Variants in ADSS1 observed in about 807,000 individuals in gnomAD.
The protein encoded by ADSS1 is adenylosuccinate synthase 1.
Under a neutral mutation model 59.1 loss-of-function variants are expected in ADSS1, and 57 were observed. That is an observed-to-expected ratio of 0.97 (90% CI 0.78 to 1.20). The LOEUF (loss-of-function observed/expected upper bound fraction) is 1.20, where lower values mean the gene tolerates loss of function less well. Among genes scored for constraint, ADSS1 ranks in the 50% most tolerant of loss-of-function variants. ADSS1 has a pLI of 0.00. For synonymous variants in ADSS1, 247 were observed against 249.4 expected (o/e 0.99, Z 0.09); for missense variants, 603 against 610.3 (o/e 0.99, Z 0.13).
intron 1 of ADSS1, among the ~76,000 whole-genome samples, chr14:104,725,808 CCT>C (rs961420607): frequency 3.9e-5 from 6 of 152,156 alleles, no homozygotes; most frequent in African/African-American, 1.4e-4. Flanking sequence ...CCTCCTTAGA[CCT>C]CTCTGCTCCC....
rs370711550 is a variant in ADSS1, at chr14:104,739,382, C to T, written c.409+4C>T. On this transcript the variant is annotated splice_donor_region_variant and intron_variant, in intron 4 of 12. Transcript: ENST00000330877. ...ATCTCTGACAGAGCCCACCTTGGTACGTTTCCCACTGGAGTACAGGGAACA... is the reference window on the plus strand; with the variant it reads ...ATCTCTGACAGAGCCCACCTTGGTATGTTTCCCACTGGAGTACAGGGAACA... 8.1e-6 allele frequency: 13 copies of T among 1,603,688 alleles called. No homozygotes were observed. The highest frequency in any genetic ancestry group is 2.3e-5 in the South Asian group (2 of 88,872).
At chr14:104,733,610 G>A (rs953592774) in intron 1 of ADSS1, among the ~76,000 whole-genome samples, 9 of 152,212 alleles carry the variant, frequency 5.9e-5, no homozygotes, top group Admixed American at 2.0e-4. Flanking sequence ...TGGGAGGGGA[G>A]CTGAGACCCC....
intron 1 of ADSS1, among the ~76,000 whole-genome samples, chr14:104,725,466 G>A (rs1369724661): frequency 6.6e-6 from 1 of 152,188 alleles, no homozygotes; most frequent in Admixed American, 6.5e-5. Flanking sequence ...CCAGAGAGGA[G>A]GGCTGGGGCC....
rs1891067563 is a variant in ADSS1, at chr14:104,735,071, T to A, written c.244T>A (p.Phe82Ile). The A allele has an allele frequency of 1.9e-6, 3 of 1,613,554 alleles. No homozygotes were observed. Among genetic ancestry groups the A allele is most frequent in the Non-Finnish European group, 2.5e-6 (3 of 1,179,754 alleles). Residue 82 changes from phenylalanine to isoleucine, a missense_variant, in exon 2 of 13, where the codon TTC becomes ATC. Phe to Ile is a conservative substitution (Grantham distance 21). Transcript: ENST00000330877. Reference sequence around the variant, plus strand: ...GGTGGTGGATGGGAAAGAGTACGACTTCCACCTGCTGCCCAGCGGCATCAT... The same window carrying A: ...GGTGGTGGATGGGAAAGAGTACGACATCCACCTGCTGCCCAGCGGCATCAT... ...TVVVDGKEYD[F>I]HLLPSGIINT...
intron 11 of ADSS1, 52 bp from the exon 12 acceptor site, chr14:104,746,184 C>G: frequency 6.4e-7 from 1 of 1,552,832 alleles, no homozygotes; most frequent in South Asian, 1.2e-5. Context: ...ATCCGCTTCC[C>G]TGGTGATAGG....
Position 104,741,211 on chromosome 14 carries a change from G to A in ADSS1, c.761G>A (p.Gly254Asp), listed in dbSNP as rs1235364273. 4 of 1,608,884 alleles carry A rather than the reference G, an allele frequency of 2.5e-6. No individual in the cohort carries two copies. Among genetic ancestry groups the A allele is most frequent in the Non-Finnish European group, 2.5e-6 (3 of 1,177,964 alleles). Residue 254 changes from glycine (G) to aspartate (D), a missense_variant, in exon 8 of 13, where the codon GGT (glycine) becomes GAT (aspartate). Gly to Asp is a moderately conservative substitution (Grantham distance 94, BLOSUM62 -1). Transcript: ENST00000330877. Reference sequence around the variant, plus strand: ...CCCCCCAAGAAGATCCTGGTGGAGGGTGCCAACGCCGCCCTCCTCGACATT... The same window carrying A: ...CCCCCCAAGAAGATCCTGGTGGAGGATGCCAACGCCGCCCTCCTCGACATT... The part of the protein sequence containing the change: ...HGPPKKILVE[G>D]ANAALLDIDF...
chr14:104,735,617 C>T (rs1891091793), intron 2 of ADSS1, among the ~76,000 whole-genome samples: 1 of 152,210 alleles, frequency 6.6e-6, no homozygotes, highest in Non-Finnish European at 1.5e-5. Flanking sequence ...GCTGTGGCCA[C>T]GTGGCAGGCC....
chr14:104,744,486 A>G (rs1288462095), intron 10 of ADSS1: 3 of 248,624 alleles, frequency 1.2e-5, no homozygotes, highest in Non-Finnish European at 2.3e-5. Flanking sequence ...TCGGGATGAA[A>G]CTGTCCCACC....
rs747632771 is a variant in ADSS1, at chr14:104,741,975, C to T, written c.921C>T (p.Ile307=). 5.6e-6 allele frequency: 9 copies of T among 1,613,112 alleles called. No homozygotes were observed. Among genetic ancestry groups the T allele is most frequent in the East Asian group, 2.2e-5 (1 of 44,866 alleles). Residue 307 remains isoleucine, a synonymous_variant, in exon 9 of 13, where the codon ATC becomes ATT. Transcript: ENST00000330877. ...VVKAYTTRVG[I]GAFPTEQINE... is the part of the protein sequence containing the mutation. ...AAGCCTATACCACACGTGTGGGCAT[C>T]GGGGCCTTCCCCACCGAGCAGATCA...
chr14:104,732,564 G>T (rs1414595902), intron 1 of ADSS1, among the ~76,000 whole-genome samples: 1 of 152,216 alleles, frequency 6.6e-6, no homozygotes. Context: ...CCTACGACAA[G>T]CCGCGCCTGT....
chr14:104,726,267 G>A (rs770966503), intron 1 of ADSS1, among the ~76,000 whole-genome samples: 12 of 152,356 alleles, frequency 7.9e-5, no homozygotes, highest in Middle Eastern at 3.4e-3. Context: ...AGGCTCAGGC[G>A]TGGAGGAATG....
chr14:104,743,253 C>A, intron 10 of ADSS1, 62 bp downstream of exon 10: 1 of 1,590,332 alleles, frequency 6.3e-7, no homozygotes, highest in Non-Finnish European at 8.5e-7. Flanking sequence ...CCTGCAGAGG[C>A]AAGCAGCACT....
chr14:104,740,526 G>T lies in ADSS1; in HGVS notation c.477-75G>T. On this transcript the variant is annotated intron_variant, in intron 5 of 12. Coordinates refer to ENST00000330877, the MANE Select transcript of ADSS1 (RefSeq NM_152328.5). This position sits in a 1 kb window ranked among gnomAD's most constrained non-coding sequence, Gnocchi z 4.8. The stretch of plus-strand genomic sequence containing the variant: ...GCACTGGAGTCATGAGCCGGCGGGG[G>T]TCATGGCCTCAGTGGGATGCCTGAG... The T allele has an allele frequency of 1.5e-6, 2 of 1,376,146 alleles. No homozygotes were observed. The highest frequency in any genetic ancestry group is 1.9e-5 in the Admixed American group (1 of 53,924). 85.2% of individuals were successfully genotyped at this position (1,376,146 alleles called of 1,614,324 possible).
Position 104,744,799 on chromosome 14 carries a change from T to G in ADSS1, c.1074-13T>G, listed in dbSNP as rs769923686. The stretch of plus-strand genomic sequence containing the variant: ...CACTTCTTGGGTTTGCCCGGCCCCT[T>G]GGCTTTCCACAGGCTGGCCCTGACG... On this transcript the variant is annotated splice_polypyrimidine_tract_variant and intron_variant, in intron 10 of 12. Transcript: ENST00000330877. 6.2e-7 allele frequency: 1 copy of G among 1,614,022 alleles called. No individual in the cohort carries two copies. Among genetic ancestry groups the G allele is most frequent in the Non-Finnish European group, 8.5e-7 (1 of 1,179,950 alleles).
chr14:104,728,610 C>T (rs1011855455), intron 1 of ADSS1, among the ~76,000 whole-genome samples: 1 of 152,216 alleles, frequency 6.6e-6, no homozygotes, highest in Non-Finnish European at 1.5e-5. Context: ...CACTGGGCGC[C>T]AGGGCCCCTT....
rs1012708513 is a variant in ADSS1 at position 104,740,521 on chromosome 14, C to CG, written c.477-75dup. ...GGTGGGCACTGGAGTCATGAGCCGG[C>CG]GGGGGTCATGGCCTCAGTGGGATGC... On this transcript the variant is annotated intron_variant, in intron 5 of 12. Coordinates refer to ENST00000330877, the MANE Select transcript of ADSS1 (RefSeq NM_152328.5). The surrounding 1 kb of genome is among the most constrained non-coding windows in gnomAD (Gnocchi z 4.8). 7.7e-7 allele frequency: 1 copy of CG among 1,299,064 alleles called. No individual in the cohort carries two copies. The highest frequency in any genetic ancestry group is 1.1e-6 in the Non-Finnish European group (1 of 916,414). 80.5% of individuals were successfully genotyped at this position (1,299,064 alleles called of 1,614,324 possible).
At chr14:104,742,036 G>A in intron 9 of ADSS1, 34 bp downstream of exon 9, 1 of 1,608,386 alleles carries the variant, frequency 6.2e-7, no homozygotes, top group Non-Finnish European at 8.5e-7. Flanking sequence ...CCCGTGGGAG[G>A]ACAGGGAGGC....
chr14:104,738,521 C>A (rs1891209714), intron 3 of ADSS1, 83 bp downstream of exon 3: 3 of 1,502,896 alleles, frequency 2.0e-6, no homozygotes, highest in Non-Finnish European at 1.8e-6. Context: ...CTGAGGGTTT[C>A]TCCCACGGAG....
chr14:104,740,591 C>T lies in ADSS1; in HGVS notation c.477-10C>T. 6.2e-7 allele frequency: 1 copy of T among 1,613,022 alleles called. No homozygotes were observed. Among genetic ancestry groups the T allele is most frequent in the Non-Finnish European group, 8.5e-7 (1 of 1,179,708 alleles). On this transcript the variant is annotated splice_polypyrimidine_tract_variant and intron_variant, in intron 5 of 12. Coordinates refer to ENST00000330877, the MANE Select transcript of ADSS1 (RefSeq NM_152328.5). The surrounding 1 kb of genome is among the most constrained non-coding windows in gnomAD (Gnocchi z 4.8). ...TGGGTTCTCATGGGTACCCACTCCCCATCTTTCAGTATAGGCACCACCAAG... is the reference window on the plus strand; with the variant it reads ...TGGGTTCTCATGGGTACCCACTCCCTATCTTTCAGTATAGGCACCACCAAG...
Sources: allele counts gnomAD v4.1 joint callset (sites outside exome capture counted in the v4.1 genomes callset), GRCh38; gene constraint gnomAD v4.1.1; non-coding constraint Gnocchi (gnomAD v3.1); transcripts MANE v1.5; gene names NCBI Gene and HGNC (gene_info 2026-07-23, HGNC 2026-07-21).